Variants in LAPTM5 observed in about 807,000 individuals in gnomAD.
The protein encoded by LAPTM5 is lysosomal-associated transmembrane protein 5.
A neutral mutation model predicts 30.1 loss-of-function variants in LAPTM5; 11 were observed. That is an observed-to-expected ratio of 0.37 (90% CI 0.23 to 0.60). The LOEUF (loss-of-function observed/expected upper bound fraction) is 0.60. Ranked by LOEUF, LAPTM5 falls within the 20% of genes least tolerant of loss-of-function variation. The probability of loss-of-function intolerance (pLI) is 0.71; values close to 1 mark genes in which losing one functional copy is unlikely to be tolerated. For synonymous variants in LAPTM5, 151 were observed against 137.9 expected (o/e 1.10, Z -0.67); for missense variants, 324 against 332.5 (o/e 0.97, Z 0.20).
At chr1:30,744,042 A>G (rs1468601028) in intron 1 of LAPTM5, among the ~76,000 whole-genome samples, 1 of 152,184 alleles carries the variant, frequency 6.6e-6, no homozygotes, top group African/African-American at 2.4e-5. Context: ...AAATTGCATT[A>G]TATTTGCAAA....
chr1:30,753,919 G>A (rs1034148902), intron 1 of LAPTM5, among the ~76,000 whole-genome samples: 2 of 152,218 alleles, frequency 1.3e-5, no homozygotes, highest in South Asian at 2.1e-4. Flanking sequence ...TTCTAAGTAC[G>A]TGCTCATTGT....
In LAPTM5 at chr1:30,732,661, C is replaced by T. The variant is rs1639828819; in HGVS notation, c.*1167G>A. The T allele has an allele frequency of 6.6e-6, 1 of 152,032 alleles. No individual in the cohort carries two copies. Among genetic ancestry groups the T allele is most frequent in the Admixed American group, 6.5e-5 (1 of 15,276 alleles). The allele number at this position is 152,032 out of a possible 1,614,324, so 9.4% of individuals were successfully genotyped here. On this transcript the variant is annotated 3_prime_UTR_variant, in exon 8 of 8. Coordinates refer to ENST00000294507, the MANE Select transcript of LAPTM5 (RefSeq NM_006762.3). ...ACCCCGACACACAGGGAAGCAGGCA[C>T]AGGAGGGCTGTTGGGGCCAAACCTC...
intron 1 of LAPTM5, among the ~76,000 whole-genome samples, chr1:30,757,427 G>C (rs917525932): frequency 6.6e-6 from 1 of 152,238 alleles, no homozygotes; most frequent in Non-Finnish European, 1.5e-5. Context: ...CTGGAAAGTG[G>C]ATTCCAGCTC....
At chr1:30,737,935 C>T (rs781391842) in intron 5 of LAPTM5, among the ~76,000 whole-genome samples, 7 of 152,330 alleles carry the variant, frequency 4.6e-5, no homozygotes, top group Admixed American at 2.6e-4. Context: ...ATCTGCTTCC[C>T]AGGCTGGCGC....
rs1388784393 is a variant in LAPTM5, at chr1:30,741,620, C to T, written c.258+20G>A. 4.5e-5 allele frequency: 70 copies of T among 1,563,900 alleles called. No individual in the cohort carries two copies. In the East Asian group the frequency reaches 4.9e-4, roughly 11 times the overall value. ...AATAACAGGAAGGGGCAGGGGGCAG[C>T]GGGGCTCCTGAGCCCTCACCTTGAC... On this transcript the variant is annotated intron_variant, in intron 3 of 7. Coordinates refer to ENST00000294507, the MANE Select transcript of LAPTM5 (RefSeq NM_006762.3).
intron 1 of LAPTM5, among the ~76,000 whole-genome samples, chr1:30,749,267 A>T (rs1340026941): frequency 6.6e-6 from 1 of 152,148 alleles, no homozygotes; most frequent in African/African-American, 2.4e-5. Flanking sequence ...GCAGAATTTC[A>T]TTTCTACGTA....
intron 7 of LAPTM5, 128 bp downstream of exon 7, chr1:30,735,045 C>T: frequency 1.4e-6 from 1 of 695,118 alleles, no homozygotes; most frequent in Non-Finnish European, 2.6e-6. Context: ...TGAAAGAGAA[C>T]ACATTTCTTC....
At chr1:30,742,218 G>A (rs564413556) in intron 2 of LAPTM5, 12 of 565,766 alleles carry the variant, frequency 2.1e-5, no homozygotes, top group Non-Finnish European at 3.5e-5. Context: ...CAGCTGGTGG[G>A]GATTTGCAAA....
chr1:30,746,528 C>T lies in LAPTM5; in HGVS notation c.88-3979G>A, dbSNP rs1640048653. Reference sequence around the variant, plus strand: ...CTGCCTTCTCCCCAAGCTCTGAGAGCCCAGCTGGGCTGTGACCTTGGGACC... The same window carrying T: ...CTGCCTTCTCCCCAAGCTCTGAGAGTCCAGCTGGGCTGTGACCTTGGGACC... On this transcript the variant is annotated intron_variant, in intron 1 of 7. Transcript: ENST00000294507. This position sits in a 1 kb window ranked among gnomAD's most constrained non-coding sequence, Gnocchi z 4.0. 6.6e-6 allele frequency among the ~76,000 whole-genome samples: 1 copy of T among 152,212 alleles called. No homozygotes were observed. Among genetic ancestry groups the T allele is most frequent in the South Asian group, 2.1e-4 (1 of 4,834 alleles).
intron 1 of LAPTM5, among the ~76,000 whole-genome samples, chr1:30,749,480 A>T (rs185166398): frequency 1.3e-5 from 2 of 152,204 alleles, no homozygotes; most frequent in African/African-American, 2.4e-5. Context: ...TAGGTAAATT[A>T]TACATCAAGA....
At position 30,733,910 on chromosome 1, in the gene LAPTM5, A is replaced by G. The variant is rs1269701689; in HGVS notation, c.707T>C (p.Leu236Pro). The G allele has an allele frequency of 1.2e-6, 2 of 1,611,322 alleles. No homozygotes were observed. The highest frequency in any genetic ancestry group is 8.5e-7 in the Non-Finnish European group (1 of 1,179,432). The change falls in exon 8 of 8, where the codon CTG (leucine) becomes CCG (proline). Residue 236 changes from leucine to proline, a missense_variant. Coordinates refer to ENST00000294507, the MANE Select transcript of LAPTM5 (RefSeq NM_006762.3). Reference protein sequence around the residue: ...RNSKMLQKVVLPSYEEALSLP... With the variant: ...RNSKMLQKVVPPSYEEALSLP... ...AGACAGGGCTTCCTCGTAGGACGGC[A>G]GGACCACCTGGGAGAGACAGAGAGA...
At chr1:30,744,851 A>T (rs1403123062) in intron 1 of LAPTM5, among the ~76,000 whole-genome samples, 1 of 152,056 alleles carries the variant, frequency 6.6e-6, no homozygotes, top group African/African-American at 2.4e-5. Flanking sequence ...TTTTGCACAC[A>T]CGCCTCTATT....
intron 6 of LAPTM5, among the ~76,000 whole-genome samples, chr1:30,735,528 A>G (rs1639873611): frequency 6.6e-6 from 1 of 152,228 alleles, no homozygotes; most frequent in African/African-American, 2.4e-5. Context: ...TTTCCCTGGC[A>G]ATAGTCCCAC....
At chr1:30,753,683 A>C (rs1228300267) in intron 1 of LAPTM5, among the ~76,000 whole-genome samples, 1 of 152,244 alleles carries the variant, frequency 6.6e-6, no homozygotes, top group Non-Finnish European at 1.5e-5. Flanking sequence ...GACTAAATGT[A>C]ACGCGGCATC....
At position 30,733,924 on chromosome 1, in the gene LAPTM5, G is replaced by C. The variant is rs199707557; in HGVS notation, c.700-7C>G. 4 of 1,610,518 alleles carry C rather than the reference G, an allele frequency of 2.5e-6. No individual in the cohort carries two copies. The African/African-American group carries it at 5.3e-5, about 22-fold the overall frequency. On this transcript the variant is annotated splice_polypyrimidine_tract_variant and splice_region_variant and intron_variant, in intron 7 of 7. Coordinates refer to ENST00000294507, the MANE Select transcript of LAPTM5 (RefSeq NM_006762.3). Reference sequence around the variant, plus strand: ...CGTAGGACGGCAGGACCACCTGGGAGAGACAGAGAGATGAGGGCTGAGTAT... The same window carrying C: ...CGTAGGACGGCAGGACCACCTGGGACAGACAGAGAGATGAGGGCTGAGTAT...
In LAPTM5 at chr1:30,742,446, C is replaced by T. The variant is rs763470804; in HGVS notation, c.181+10G>A. On this transcript the variant is annotated intron_variant, in intron 2 of 7. Coordinates refer to ENST00000294507, the MANE Select transcript of LAPTM5 (RefSeq NM_006762.3). ...CCCCCCGCCACTCCACCGGCGTCCC[C>T]TGGACCTACCGATCCTGAGGTAGCC... 5 of 1,608,982 alleles carry T rather than the reference C, an allele frequency of 3.1e-6. No individual in the cohort carries two copies. Among genetic ancestry groups the T allele is most frequent in the African/African-American group, 2.7e-5 (2 of 74,980 alleles).
chr1:30,757,516 G>A (rs1640228463), intron 1 of LAPTM5, 143 bp downstream of exon 1: 1 of 843,136 alleles, frequency 1.2e-6, no homozygotes, highest in Admixed American at 2.0e-5. Context: ...GCCCAGAGCA[G>A]GACAGGGATT....
intron 7 of LAPTM5, 137 bp from the exon 8 acceptor site, chr1:30,734,054 G>C: frequency 1.0e-6 from 1 of 957,136 alleles, no homozygotes; most frequent in Non-Finnish European, 1.6e-6. Flanking sequence ...TATTTGCTAT[G>C]TGCTAGACAT....
At position 30,732,529 on chromosome 1, in the gene LAPTM5, G is replaced by C. The variant is rs965380632; in HGVS notation, c.*1299C>G. 2 of 151,390 alleles carry C rather than the reference G, an allele frequency of 1.3e-5. No homozygotes were observed. The highest frequency in any genetic ancestry group is 4.9e-5 in the African/African-American group (2 of 41,060). The allele number at this position is 151,390 out of a possible 1,614,324, so 9.4% of individuals were successfully genotyped here. On this transcript the variant is annotated 3_prime_UTR_variant, in exon 8 of 8. Transcript: ENST00000294507. ...GTCGCACACAAAGCAATTACACAAG[G>C]GGGTATTGCCAGGGAGCTCTTGCAG... is the stretch of plus-strand genomic sequence containing the variant.
Sources: allele counts gnomAD v4.1 joint callset (sites outside exome capture counted in the v4.1 genomes callset), GRCh38; gene constraint gnomAD v4.1.1; non-coding constraint Gnocchi (gnomAD v3.1); transcripts MANE v1.5; gene names NCBI Gene and HGNC (gene_info 2026-07-23, HGNC 2026-07-21).